PARD3B: variants seen among roughly 807,000 people sequenced by gnomAD.
PARD3B encodes par-3 family cell polarity regulator beta.
A neutral mutation model predicts 130.2 loss-of-function variants in PARD3B; 103 were observed. The ratio of observed to expected loss-of-function variants is 0.79; its 90% CI spans 0.67 to 0.93. The LOEUF is 0.93. Among genes scored for constraint, PARD3B ranks in the 40% least tolerant of loss-of-function variants. The pLI, the probability that PARD3B is intolerant of heterozygous loss-of-function variation, is 0.00. For missense variants in PARD3B, 1,609 were observed against 1,499.2 expected (o/e 1.07, Z -1.21); for synonymous variants, 583 against 553.2 (o/e 1.05, Z -0.76).
chr2:205,364,386 C>T (rs2541159), intron 18 of PARD3B, among the ~76,000 whole-genome samples: 133,627 of 151,834 alleles, frequency 0.88, 58,981 homozygotes, highest in Admixed American at 0.93. Flanking sequence ...TCCCCTATTA[C>T]TCAAGCCTAG....
intron 21 of PARD3B, among the ~76,000 whole-genome samples, chr2:205,524,349 C>G (rs1335810292): frequency 6.6e-6 from 1 of 152,142 alleles, no homozygotes; most frequent in Non-Finnish European, 1.5e-5. Flanking sequence ...ACCTCAACAT[C>G]AGGACTGTCT....
In PARD3B at chr2:204,887,458, C is replaced by G. The variant is rs1235578189; in HGVS notation, c.223-77694C>G. Among the ~76,000 whole-genome samples, 1 of 152,090 alleles carries G rather than the reference C, an allele frequency of 6.6e-6. No homozygotes were observed. Among genetic ancestry groups the G allele is most frequent in the South Asian group, 2.1e-4 (1 of 4,826 alleles). ...TGCAGCCCAGTCACTTTCGAGATAG[C>G]CTGTCTGCATGTTGGCTAGTTGTAG... On this transcript the variant is annotated intron_variant, in intron 2 of 22. Transcript: ENST00000406610. This position sits in a 1 kb window ranked among gnomAD's most constrained non-coding sequence, Gnocchi z 4.2.
chr2:204,964,551 A>G (rs764096510), intron 2 of PARD3B, among the ~76,000 whole-genome samples: 10 of 152,212 alleles, frequency 6.6e-5, no homozygotes, highest in Non-Finnish European at 8.8e-5. Context: ...ACACAGAGTC[A>G]GTCATGAAGG....
At chr2:204,778,200 G>A (rs1205925355) in intron 2 of PARD3B, among the ~76,000 whole-genome samples, 1 of 149,462 alleles carries the variant, frequency 6.7e-6, no homozygotes, top group African/African-American at 2.5e-5. Context: ...CTGCTTCCTT[G>A]TGGTCTTATT....
intron 3 of PARD3B, among the ~76,000 whole-genome samples, chr2:204,989,086 G>A (rs1693419885): frequency 6.6e-6 from 1 of 152,130 alleles, no homozygotes; most frequent in African/African-American, 2.4e-5. Flanking sequence ...CACAAAAACA[G>A]TTTAAATGTA....
At chr2:205,066,181 G>T (rs148865240) in intron 4 of PARD3B, among the ~76,000 whole-genome samples, 173 of 152,246 alleles carry the variant, frequency 1.1e-3, no homozygotes, top group African/African-American at 4.0e-3. Context: ...CATATTTTCT[G>T]CTCTCAATTT....
chr2:205,042,812 CTTAA>C (rs1698483991), intron 3 of PARD3B, among the ~76,000 whole-genome samples: 1 of 151,102 alleles, frequency 6.6e-6, no homozygotes, highest in Non-Finnish European at 1.5e-5. Context: ...GACTGCTGAT[CTTAA>C]TATCCTCATC....
intron 20 of PARD3B, among the ~76,000 whole-genome samples, chr2:205,481,038 G>A (rs2049216732): frequency 6.6e-6 from 1 of 152,160 alleles, no homozygotes; most frequent in Non-Finnish European, 1.5e-5. Context: ...GAGCACAGGA[G>A]AAGAATAGGT....
chr2:204,935,483 G>A (rs1055287757), intron 2 of PARD3B, among the ~76,000 whole-genome samples: 4 of 151,650 alleles, frequency 2.6e-5, no homozygotes, highest in African/African-American at 7.3e-5. Flanking sequence ...AGCTTGCAGT[G>A]AGCCAAGATG....
Position 204,887,299 on chromosome 2 carries a change from C to G in PARD3B, c.223-77853C>G, listed in dbSNP as rs1486581753. On this transcript the variant is annotated intron_variant, in intron 2 of 22. Coordinates refer to ENST00000406610, the MANE Select transcript of PARD3B (RefSeq NM_001302769.2). The surrounding 1 kb of genome is among the most constrained non-coding windows in gnomAD (Gnocchi z 4.2). ...ACAATGTGATTATTTTCATTTAAGCCTATTTTGGAAGCTGAGTCACTTGCC... is the reference window on the plus strand; with the variant it reads ...ACAATGTGATTATTTTCATTTAAGCGTATTTTGGAAGCTGAGTCACTTGCC... Among the ~76,000 whole-genome samples the G allele has an allele frequency of 6.6e-6, 1 of 152,072 alleles. No homozygotes were observed. Among genetic ancestry groups the G allele is most frequent in the Non-Finnish European group, 1.5e-5 (1 of 68,016 alleles).
intron 18 of PARD3B, among the ~76,000 whole-genome samples, chr2:205,392,089 T>C (rs1244680641): frequency 6.6e-6 from 1 of 152,218 alleles, no homozygotes; most frequent in African/African-American, 2.4e-5. Context: ...ATTTTTAACG[T>C]ATCTGGTATT....
chr2:205,289,773 T>C (rs182063384), intron 16 of PARD3B, among the ~76,000 whole-genome samples: 1 of 152,248 alleles, frequency 6.6e-6, no homozygotes, highest in Admixed American at 6.5e-5. Context: ...AGTGAGTTAG[T>C]AATCATGAGA....
intron 2 of PARD3B, among the ~76,000 whole-genome samples, chr2:204,928,071 C>T (rs1687765462): frequency 6.6e-6 from 1 of 152,088 alleles, no homozygotes; most frequent in Non-Finnish European, 1.5e-5. Context: ...TGGGTTTACT[C>T]ATGTATCTTT....
chr2:205,287,166 G>A lies in PARD3B; in HGVS notation c.2186-13364G>A, dbSNP rs985797762. On this transcript the variant is annotated intron_variant, in intron 16 of 22. Transcript: ENST00000406610. The surrounding 1 kb of genome is among the most constrained non-coding windows in gnomAD (Gnocchi z 4.8). ...CAGCAGTCTGCCCTGTTACTCAAGT[G>A]TCCGACCTGAGCAGAAACAACTGGT... 6.6e-6 allele frequency among the ~76,000 whole-genome samples: 1 copy of A among 152,176 alleles called. No individual in the cohort carries two copies. Among genetic ancestry groups the A allele is most frequent in the South Asian group, 2.1e-4 (1 of 4,828 alleles).
At chr2:204,670,006 A>G (rs374661821) in intron 1 of PARD3B, among the ~76,000 whole-genome samples, 2 of 152,190 alleles carry the variant, frequency 1.3e-5, no homozygotes, top group South Asian at 4.1e-4. Context: ...TCAAAAGATG[A>G]TTCTGAAGTT....
Position 205,119,162 on chromosome 2 carries a change from C to T in PARD3B, c.806+116C>T, listed in dbSNP as rs115256713. 472 of 1,331,862 alleles carry T rather than the reference C, an allele frequency of 3.5e-4. 1 individual carries two copies. The highest frequency in any genetic ancestry group is 3.5e-3 in the African/African-American group (233 of 65,924). The allele number at this position is 1,331,862 out of a possible 1,614,324, so 82.5% of individuals were successfully genotyped here. On this transcript the variant is annotated intron_variant, in intron 7 of 22. Coordinates refer to ENST00000406610, the MANE Select transcript of PARD3B (RefSeq NM_001302769.2). ...GAATTTCTAGTCAGTTCCCTTTGAA[C>T]GATCCAGGATATCCATTTTCGAATG...
chr2:205,003,569 TG>T (rs1695022549), intron 3 of PARD3B, among the ~76,000 whole-genome samples: 1 of 152,194 alleles, frequency 6.6e-6, no homozygotes, highest in Admixed American at 6.5e-5. Flanking sequence ...CAGTAAGCTC[TG>T]TTCTGACCAC....
At chr2:205,358,251 T>G (rs550508955) in intron 18 of PARD3B, among the ~76,000 whole-genome samples, 1 of 152,358 alleles carries the variant, frequency 6.6e-6, no homozygotes, top group African/African-American at 2.4e-5. Flanking sequence ...AGCCTGGATC[T>G]TCTGCATCTC....
At chr2:204,582,176 G>C (rs1325649382) in intron 1 of PARD3B, among the ~76,000 whole-genome samples, 1 of 152,066 alleles carries the variant, frequency 6.6e-6, no homozygotes, top group Non-Finnish European at 1.5e-5. Context: ...TTGCTTAAAC[G>C]TACAGCCCAC....
Sources: allele counts gnomAD v4.1 joint callset (sites outside exome capture counted in the v4.1 genomes callset), GRCh38; gene constraint gnomAD v4.1.1; non-coding constraint Gnocchi (gnomAD v3.1); transcripts MANE v1.5; gene names NCBI Gene and HGNC (gene_info 2026-07-23, HGNC 2026-07-21).